The following IQCK variants were observed in gnomAD, a reference collection of about 807,000 sequenced individuals.
IQCK encodes the protein IQ motif containing K, also known as IQ domain-containing protein K.
Under a neutral mutation model 28.1 loss-of-function variants are expected in IQCK, and 29 were observed. The observed-to-expected ratio is 1.03, with a 90% CI of 0.77 to 1.41. The LOEUF is 1.41. IQCK is among the 40% of genes most tolerant of loss of function. The pLI is 0.00. For missense variants in IQCK, 359 were observed against 314.7 expected (o/e 1.14, Z -1.07); for synonymous variants, 113 against 115.1 (o/e 0.98, Z 0.12).
chr16:19,734,490 A>C (rs976621277), intron 3 of IQCK, among the ~76,000 whole-genome samples: 1 of 145,400 alleles, frequency 6.9e-6, no homozygotes, highest in Non-Finnish European at 1.5e-5. Context: ...TTATCCAGGC[A>C]TGGTGGTGCA....
intron 7 of IQCK, among the ~76,000 whole-genome samples, chr16:19,803,510 G>A (rs1338581880): frequency 1.3e-5 from 2 of 152,130 alleles, no homozygotes; most frequent in Non-Finnish European, 2.9e-5. Flanking sequence ...ACCCACTGAT[G>A]TATTGGAATT....
chr16:19,772,158 A>G (rs2055328731), intron 6 of IQCK, among the ~76,000 whole-genome samples: 2 of 152,210 alleles, frequency 1.3e-5, no homozygotes, highest in Admixed American at 1.3e-4. Context: ...CTTTTTAAAG[A>G]ATGTCTTACA....
chr16:19,727,597 C>A (rs182282558), intron 1 of IQCK, among the ~76,000 whole-genome samples: 162 of 122,914 alleles, frequency 1.3e-3, no homozygotes, highest in East Asian at 2.5e-3. Flanking sequence ...CCCCCCCCCC[C>A]AAAAAAAAAG....
intron 3 of IQCK, 115 bp downstream of exon 3, chr16:19,733,942 A>C: frequency 1.1e-6 from 1 of 940,792 alleles, no homozygotes; most frequent in Non-Finnish European, 1.6e-6. Flanking sequence ...ATAAGAAAGA[A>C]TGTGTTCTTG....
intron 9 of IQCK, among the ~76,000 whole-genome samples, chr16:19,849,173 C>G (rs989221189): frequency 3.3e-5 from 5 of 151,642 alleles, no homozygotes; most frequent in Non-Finnish European, 7.4e-5. Context: ...AAGTTTCCCC[C>G]AGTTGTATAG....
At chr16:19,779,727 A>T (rs1566815) in intron 6 of IQCK, among the ~76,000 whole-genome samples, 7,150 of 149,482 alleles carry the variant, frequency 0.048, 206 homozygotes, top group Middle Eastern at 0.085. Context: ...TTATTTATTT[A>T]TTTTTTTTGA....
Position 19,836,786 on chromosome 16 carries a change from A to G in IQCK, c.802+9649A>G, listed in dbSNP as rs148554141. On this transcript the variant is annotated intron_variant, in intron 9 of 9. Coordinates refer to the IQCK transcript ENST00000320394. ...CCTGGCCTCCCAAAGTGCTGAGATT[A>G]CAGGCGTTAGCCACCGTGCCTGGCT... Among the ~76,000 whole-genome samples the G allele has an allele frequency of 2.7e-3, 404 of 152,340 alleles. 2 individuals are homozygous for G. Among genetic ancestry groups the G allele is most frequent in the African/African-American group, 9.1e-3 (379 of 41,584 alleles).
exon 8 of IQCK, chr16:19,827,038 C>A: frequency 6.2e-7 from 1 of 1,613,392 alleles, no homozygotes; most frequent in Non-Finnish European, 8.5e-7. Context: ...TCGCTGTGAT[C>A]CTGAGATTCA....
chr16:19,812,850 G>A (rs1207543175), intron 7 of IQCK, among the ~76,000 whole-genome samples: 4 of 152,180 alleles, frequency 2.6e-5, no homozygotes, highest in Non-Finnish European at 5.9e-5. Flanking sequence ...GGTAGGGGGG[G>A]AAATTCAGAT....
At chr16:19,816,491 A>G (rs893869125) in intron 7 of IQCK, among the ~76,000 whole-genome samples, 5 of 152,190 alleles carry the variant, frequency 3.3e-5, no homozygotes, top group Admixed American at 6.5e-5. Context: ...CATGTTGGCC[A>G]GGCTGGTCTC....
chr16:19,732,726 G>C (rs1015281333), intron 2 of IQCK, among the ~76,000 whole-genome samples: 6 of 152,200 alleles, frequency 3.9e-5, no homozygotes, highest in African/African-American at 1.4e-4. Flanking sequence ...GCCTCCCAAA[G>C]TGCTGGAATC....
Position 19,747,503 on chromosome 16 carries a change from T to TTC in IQCK, c.474+12054_474+12055insCT, listed in dbSNP as rs544517255. 1.5e-3 allele frequency among the ~76,000 whole-genome samples: 235 copies of TTC among 152,258 alleles called. 4 individuals are homozygous for TTC. In the South Asian group the frequency reaches 0.032, roughly 20 times the overall value. ...AGGAAATAGATTCCTTTTTTTTTTT[T>TTC]TTAAGTAAATGTGTGGGGTTTAAAT... On this transcript the variant is annotated intron_variant, in intron 4 of 7. Coordinates refer to ENST00000564186, the Ensembl canonical transcript of IQCK.
intron 4 of IQCK, among the ~76,000 whole-genome samples, chr16:19,762,769 C>T (rs1324275531): frequency 6.6e-6 from 1 of 152,160 alleles, no homozygotes; most frequent in Non-Finnish European, 1.5e-5. Flanking sequence ...AATCCCAGCA[C>T]TTTGGGAGGC....
chr16:19,749,421 G>A (rs1270672540), intron 4 of IQCK, among the ~76,000 whole-genome samples: 1 of 152,156 alleles, frequency 6.6e-6, no homozygotes, highest in African/African-American at 2.4e-5. Flanking sequence ...CAGTGGCAGA[G>A]TTGAATATTT....
At chr16:19,756,364 C>A (rs2055052298) in intron 4 of IQCK, among the ~76,000 whole-genome samples, 1 of 151,668 alleles carries the variant, frequency 6.6e-6, no homozygotes, top group Admixed American at 6.5e-5. Context: ...ACAAGATAAG[C>A]CACTGAGACT....
intron 9 of IQCK, among the ~76,000 whole-genome samples, chr16:19,854,001 G>A (rs1822477375): frequency 6.6e-6 from 1 of 152,260 alleles, no homozygotes; most frequent in African/African-American, 2.4e-5. Context: ...AATAAGTTGA[G>A]GGGAATTCTA....
chr16:19,739,897 C>T (rs1200898702), intron 4 of IQCK, among the ~76,000 whole-genome samples: 3 of 152,204 alleles, frequency 2.0e-5, no homozygotes, highest in African/African-American at 7.2e-5. Flanking sequence ...CTTGTTTCAC[C>T]CTTACAATAA....
At chr16:19,722,611 A>C (rs959100929) in intron 1 of IQCK, among the ~76,000 whole-genome samples, 2 of 152,148 alleles carry the variant, frequency 1.3e-5, no homozygotes, top group Non-Finnish European at 2.9e-5. Flanking sequence ...AACTGTTTTC[A>C]ATGCTGGGCC....
chr16:19,837,867 A>G (rs1349291814), intron 9 of IQCK, among the ~76,000 whole-genome samples: 1 of 152,176 alleles, frequency 6.6e-6, no homozygotes, highest in African/African-American at 2.4e-5. Flanking sequence ...TAGCTACAAG[A>G]TCCCAGTAAT....
Sources: gnomAD v4.1 joint callset for allele counts (sites outside exome capture counted in the v4.1 genomes callset) on GRCh38, gnomAD v4.1.1 for gene constraint, MANE v1.5 for transcripts, NCBI Gene and HGNC (gene_info 2026-07-23, HGNC 2026-07-21) for gene names.